DGKB: variants seen among roughly 807,000 people sequenced by gnomAD.
The protein encoded by DGKB is 90 kDa diacylglycerol kinase.
Under a neutral mutation model 114.3 loss-of-function variants are expected in DGKB, and 67 were observed. The ratio of observed to expected loss-of-function variants is 0.59; its 90% CI spans 0.48 to 0.72. The LOEUF is 0.72. DGKB is among the 30% of genes least tolerant of loss of function. DGKB has a pLI of 0.00. For synonymous variants in DGKB, 398 were observed against 323.1 expected, an observed-to-expected ratio of 1.23 and a Z score of -2.49; for missense variants, 907 against 975.2, an observed-to-expected ratio of 0.93 and a Z score of 0.93.
intron 17 of DGKB, among the ~76,000 whole-genome samples, chr7:14,593,450 A>G (rs543964889): frequency 6.6e-6 from 1 of 152,042 alleles, no homozygotes; most frequent in South Asian, 2.1e-4. Flanking sequence ...AAAAATTAAT[A>G]TTGGCAGAAA....
Position 14,582,991 on chromosome 7 carries a change from T to C in DGKB, c.1519+61A>G, listed in dbSNP as rs936558617. On this transcript the variant is annotated intron_variant, in intron 18 of 25. Coordinates refer to ENST00000402815, the MANE Select transcript of DGKB (RefSeq NM_001350709.2). ...ATGATACAAGCAATAGACACATAGATGAAACAGGATTTAAAGCTATTGCTC... is the reference window on the plus strand; with the variant it reads ...ATGATACAAGCAATAGACACATAGACGAAACAGGATTTAAAGCTATTGCTC... The C allele has an allele frequency of 1.2e-5, 13 of 1,069,316 alleles. No individual in the cohort carries two copies. The East Asian group carries it at 2.4e-4, about 20-fold the overall frequency. 66.2% of individuals were successfully genotyped at this position (1,069,316 alleles called of 1,614,324 possible).
At chr7:14,555,751 C>A (rs1437476030) in intron 20 of DGKB, among the ~76,000 whole-genome samples, 2 of 152,134 alleles carry the variant, frequency 1.3e-5, no homozygotes, top group South Asian at 4.1e-4. Context: ...CCGGCCAAAA[C>A]CCACCAAAAC....
intron 25 of DGKB, among the ~76,000 whole-genome samples, chr7:14,162,247 C>G (rs547840313): frequency 1.3e-5 from 2 of 152,304 alleles, no homozygotes; most frequent in African/African-American, 2.4e-5. Flanking sequence ...AGAAAGATTT[C>G]TAACTGCTAA....
At chr7:14,542,850 G>A (rs1793686311) in intron 20 of DGKB, among the ~76,000 whole-genome samples, 1 of 152,106 alleles carries the variant, frequency 6.6e-6, no homozygotes, top group Non-Finnish European at 1.5e-5. Context: ...TCTATCTAAA[G>A]CCACACTGCT....
intron 23 of DGKB, among the ~76,000 whole-genome samples, chr7:14,241,933 T>C (rs73679701): frequency 7.4e-5 from 8 of 108,252 alleles, no homozygotes; most frequent in South Asian, 3.2e-4. Context: ...CACACACACA[T>C]ATAGATATAT....
At chr7:14,554,112 T>C (rs6962315) in intron 20 of DGKB, among the ~76,000 whole-genome samples, 23,612 of 151,934 alleles carry the variant, frequency 0.16, 2,925 homozygotes, top group East Asian at 0.35. Flanking sequence ...GACCTCGTGA[T>C]CTGCCCACCT....
intron 4 of DGKB, among the ~76,000 whole-genome samples, chr7:14,742,195 T>A (rs907427104): frequency 2.0e-5 from 3 of 152,222 alleles, no homozygotes; most frequent in Admixed American, 1.3e-4. Context: ...TCCACCTGTA[T>A]CTGCTTATTA....
intron 17 of DGKB, among the ~76,000 whole-genome samples, chr7:14,594,130 T>C (rs1440553341): frequency 6.6e-6 from 1 of 152,086 alleles, no homozygotes; most frequent in Admixed American, 6.6e-5. Flanking sequence ...ATTTTGTTTT[T>C]TAACACTGAA....
intron 13 of DGKB, among the ~76,000 whole-genome samples, chr7:14,630,851 G>A (rs1809543167): frequency 6.6e-6 from 1 of 150,966 alleles, no homozygotes; most frequent in South Asian, 2.1e-4. Context: ...CTTCACAACT[G>A]TGTTTTCCAT....
chr7:14,505,378 C>T (rs1332018261), intron 20 of DGKB, among the ~76,000 whole-genome samples: 1 of 151,416 alleles, frequency 6.6e-6, no homozygotes, highest in Non-Finnish European at 1.5e-5. Context: ...TGGTTGAGCC[C>T]AGGAGGCAGA....
At chr7:14,503,102 C>T (rs1356596279) in intron 20 of DGKB, among the ~76,000 whole-genome samples, 6 of 152,184 alleles carry the variant, frequency 3.9e-5, no homozygotes, top group Admixed American at 1.3e-4. Flanking sequence ...AAAATATCTG[C>T]GTGCTTGTGC....
intron 23 of DGKB, among the ~76,000 whole-genome samples, chr7:14,318,405 T>C (rs2128525012): frequency 6.6e-6 from 1 of 152,032 alleles, no homozygotes. Flanking sequence ...AGGGCTAATA[T>C]CCAGAATTTA....
chr7:14,837,180 A>C (rs990838232), intron 2 of DGKB, among the ~76,000 whole-genome samples: 1 of 152,246 alleles, frequency 6.6e-6, no homozygotes. Flanking sequence ...TGGTAGGATC[A>C]GTATTTAAAC....
intron 20 of DGKB, among the ~76,000 whole-genome samples, chr7:14,523,629 T>C (rs1168559909): frequency 6.6e-6 from 1 of 152,140 alleles, no homozygotes; most frequent in Non-Finnish European, 1.5e-5. Flanking sequence ...TAGTCATATA[T>C]TATCTTGTTT....
In DGKB at chr7:14,795,749, T is replaced by C. The variant is rs543833515; in HGVS notation, c.71-38018A>G. On this transcript the variant is annotated intron_variant, in intron 2 of 25. Transcript: ENST00000402815. ...AAGCAGCAATCAGAAGAGTCTGATA[T>C]GTTGACCTATGGACCTATGGACTAG... Among the ~76,000 whole-genome samples the C allele has an allele frequency of 2.0e-5, 3 of 152,232 alleles. No individual in the cohort carries two copies. In the East Asian group the frequency reaches 5.8e-4, roughly 30 times the overall value.
chr7:14,349,793 A>G (rs528963283), intron 21 of DGKB, among the ~76,000 whole-genome samples: 1 of 152,170 alleles, frequency 6.6e-6, no homozygotes, highest in African/African-American at 2.4e-5. Flanking sequence ...TATGCTATCT[A>G]CTTTTATGAT....
intron 1 of DGKB, among the ~76,000 whole-genome samples, chr7:14,844,789 C>T (rs1269705268): frequency 1.3e-5 from 2 of 152,080 alleles, no homozygotes; most frequent in African/African-American, 4.8e-5. Context: ...TATCTTTCCA[C>T]CTGCCTACCT....
At chr7:14,579,205 T>C (rs1330200423) in intron 19 of DGKB, among the ~76,000 whole-genome samples, 1 of 152,222 alleles carries the variant, frequency 6.6e-6, no homozygotes, top group African/African-American at 2.4e-5. Context: ...TCCAGAAGGA[T>C]AGAAGCCATT....
intron 20 of DGKB, among the ~76,000 whole-genome samples, chr7:14,562,785 C>A (rs562707504): frequency 8.9e-4 from 136 of 152,242 alleles, no homozygotes; most frequent in African/African-American, 3.0e-3. Context: ...GCAGAAGGGA[C>A]TTGCCTTGTT....
Sources: allele counts gnomAD v4.1 joint callset (sites outside exome capture counted in the v4.1 genomes callset), GRCh38; gene constraint gnomAD v4.1.1; transcripts MANE v1.5; gene names NCBI Gene and HGNC (gene_info 2026-07-23, HGNC 2026-07-21).